The following CDH10 variants were observed in gnomAD, a reference collection of about 807,000 sequenced individuals.
CDH10 encodes the protein cadherin 10.
Under a neutral mutation model 73.1 loss-of-function variants are expected in CDH10, and 30 were observed. The observed-to-expected ratio is 0.41, with a 90% CI of 0.31 to 0.56. The LOEUF is 0.56. Ranked by LOEUF, CDH10 falls within the 20% of genes least tolerant of loss-of-function variation. CDH10 has a pLI of 0.27. For missense variants in CDH10, 815 were observed against 973.7 expected (o/e 0.84, Z 2.17); for synonymous variants, 345 against 348.2 (o/e 0.99, Z 0.10).
intron 11 of CDH10, among the ~76,000 whole-genome samples, chr5:24,491,254 A>G (rs1742043112): frequency 6.6e-6 from 1 of 152,158 alleles, no homozygotes; most frequent in Non-Finnish European, 1.5e-5. Context: ...GCCATTCTGC[A>G]TTCATTGTTC....
intron 5 of CDH10, among the ~76,000 whole-genome samples, chr5:24,516,402 C>T (rs933694108): frequency 6.6e-6 from 1 of 151,986 alleles, no homozygotes; most frequent in African/African-American, 2.4e-5. Flanking sequence ...TAAAAAAATG[C>T]CCACTAATTT....
chr5:24,539,099 T>C (rs75209001), intron 2 of CDH10, among the ~76,000 whole-genome samples: 2,238 of 152,094 alleles, frequency 0.015, 55 homozygotes, highest in African/African-American at 0.047. Context: ...GTTTTAATAT[T>C]TACATAAAAT....
intron 2 of CDH10, among the ~76,000 whole-genome samples, chr5:24,557,839 G>A (rs965133086): frequency 6.6e-6 from 1 of 151,660 alleles, no homozygotes; most frequent in Middle Eastern, 3.2e-3. Context: ...AAGATGAATG[G>A]AATGGATTAA....
At chr5:24,581,371 C>G (rs1221649550) in intron 2 of CDH10, among the ~76,000 whole-genome samples, 1 of 152,200 alleles carries the variant, frequency 6.6e-6, no homozygotes, top group Non-Finnish European at 1.5e-5. Flanking sequence ...ATCACCTTCT[C>G]CGTGAGGAAG....
At chr5:24,571,118 A>G (rs11960416) in intron 2 of CDH10, among the ~76,000 whole-genome samples, 141,293 of 152,094 alleles carry the variant, frequency 0.93, 66,041 homozygotes, top group East Asian at 1. Context: ...AGAGTTTTAC[A>G]GAGAACCAAT....
chr5:24,545,235 A>G (rs1369643485), intron 2 of CDH10, among the ~76,000 whole-genome samples: 1 of 152,194 alleles, frequency 6.6e-6, no homozygotes, highest in Non-Finnish European at 1.5e-5. Flanking sequence ...ACGTTTTTAC[A>G]CCTTATTTTT....
intron 1 of CDH10, among the ~76,000 whole-genome samples, chr5:24,602,883 G>C (rs934915522): frequency 6.6e-6 from 1 of 152,120 alleles, no homozygotes; most frequent in Non-Finnish European, 1.5e-5. Flanking sequence ...CATAAGGGAA[G>C]AATATGTCTC....
chr5:24,504,470 T>C (rs10073478), intron 8 of CDH10, among the ~76,000 whole-genome samples: 2,845 of 145,150 alleles, frequency 0.02, 197 homozygotes, highest in African/African-American at 0.07. Flanking sequence ...TCCTGTGTCA[T>C]GTAAAATTTA....
chr5:24,513,301 G>A (rs922393596), intron 5 of CDH10, among the ~76,000 whole-genome samples: 5 of 152,104 alleles, frequency 3.3e-5, no homozygotes, highest in African/African-American at 1.2e-4. Context: ...TTACAGGCAT[G>A]AGCCACTGTG....
chr5:24,619,896 T>C (rs565871759), intron 1 of CDH10, among the ~76,000 whole-genome samples: 8 of 152,172 alleles, frequency 5.3e-5, no homozygotes, highest in Non-Finnish European at 1.2e-4. Flanking sequence ...TCCTTCATCT[T>C]GGAGTTTCCA....
intron 2 of CDH10, among the ~76,000 whole-genome samples, chr5:24,554,719 A>T (rs2111966837): frequency 6.6e-6 from 1 of 152,256 alleles, no homozygotes; most frequent in South Asian, 2.1e-4. Flanking sequence ...GAGAAAGACT[A>T]TTCTGAGAAT....
chr5:24,515,789 T>G (rs191339434), intron 5 of CDH10, among the ~76,000 whole-genome samples: 2 of 152,238 alleles, frequency 1.3e-5, no homozygotes, highest in African/African-American at 4.8e-5. Context: ...AATTCCCACG[T>G]GTCATGGGAG....
At chr5:24,594,020 G>A (rs578043450) in intron 1 of CDH10, among the ~76,000 whole-genome samples, 8 of 152,024 alleles carry the variant, frequency 5.3e-5, no homozygotes, top group Non-Finnish European at 8.8e-5. Context: ...GCCTTCTGTT[G>A]TGCAATTTTA....
intron 1 of CDH10, among the ~76,000 whole-genome samples, chr5:24,600,558 T>C (rs1041122282): frequency 6.6e-6 from 1 of 152,078 alleles, no homozygotes; most frequent in African/African-American, 2.4e-5. Context: ...GGAAACCACA[T>C]CCTACCTGGC....
intron 11 of CDH10, among the ~76,000 whole-genome samples, chr5:24,490,538 C>T (rs78191457): frequency 0.011 from 1,645 of 151,258 alleles, 32 homozygotes; most frequent in African/African-American, 0.037. Flanking sequence ...AGTAATTTAC[C>T]TTTCTGTTAT....
At chr5:24,546,621 T>C (rs1170799707) in intron 2 of CDH10, among the ~76,000 whole-genome samples, 1 of 152,170 alleles carries the variant, frequency 6.6e-6, no homozygotes, top group African/African-American at 2.4e-5. Flanking sequence ...TATATATGTA[T>C]ATATAACTGA....
chr5:24,537,351 A>G, intron 3 of CDH10, 29 bp downstream of exon 3: 14 of 1,468,506 alleles, frequency 9.5e-6, no homozygotes, highest in East Asian at 2.3e-5. Flanking sequence ...CTTTTTGAAT[A>G]CCATCATAAA....
chr5:24,574,038 C>A (rs896321217), intron 2 of CDH10, among the ~76,000 whole-genome samples: 1 of 151,588 alleles, frequency 6.6e-6, no homozygotes, highest in African/African-American at 2.4e-5. Context: ...GCGCCTGCCA[C>A]CACACCCGGC....
chr5:24,487,714 A>T lies in CDH10; in HGVS notation c.2316T>A (p.Phe772Leu), dbSNP rs2111599166. Residue 772 changes from phenylalanine (F) to leucine (L), a missense_variant, in exon 12 of 12, where the codon TTT becomes TTA. Physicochemically the swap from Phe to Leu is conservative, Grantham distance 22 (BLOSUM62 0). Transcript: ENST00000264463. ...CACCATACATTTCTGCTAGCTTATT[A>T]AACCGAGGGCCCCATTCTCGGAGGT... ...YDYLREWGPR[F>L]NKLAEMYGGG... 6.2e-7 allele frequency: 1 copy of T among 1,613,256 alleles called. No homozygotes were observed. The highest frequency in any genetic ancestry group is 8.5e-7 in the Non-Finnish European group (1 of 1,179,632).
Sources: allele counts gnomAD v4.1 joint callset (sites outside exome capture counted in the v4.1 genomes callset), GRCh38; gene constraint gnomAD v4.1.1; transcripts MANE v1.5; gene names NCBI Gene and HGNC (gene_info 2026-07-23, HGNC 2026-07-21).